The following RHOD variants were observed in gnomAD, a reference collection of about 807,000 sequenced individuals.
RHOD encodes rho-related GTP-binding protein RhoD.
In RHOD, 11 loss-of-function variants were observed where a neutral mutation model predicts 16.7. The observed-to-expected ratio is 0.66, with a 90% CI of 0.41 to 1.09. RHOD has a LOEUF of 1.09. Ranked by LOEUF, RHOD falls within the 50% of genes least tolerant of loss-of-function variation. RHOD has a pLI of 0.00. For synonymous variants in RHOD, 124 were observed against 126.3 expected (o/e 0.98, Z 0.12); for missense variants, 271 against 291.7 (o/e 0.93, Z 0.52).
intron 1 of RHOD, among the ~76,000 whole-genome samples, chr11:67,058,539 G>A (rs1854846532): frequency 6.6e-6 from 1 of 152,056 alleles, no homozygotes; most frequent in African/African-American, 2.4e-5. Context: ...TCGAACTCCT[G>A]GCCTCAAGCG....
intron 2 of RHOD, among the ~76,000 whole-genome samples, chr11:67,066,488 G>A (rs112584297): frequency 6.6e-6 from 1 of 152,224 alleles, no homozygotes; most frequent in African/African-American, 2.4e-5. Context: ...TCCTCCAGGC[G>A]GTGCCAGGCC....
intron 4 of RHOD, 152 bp downstream of exon 4, chr11:67,070,711 CT>C (rs1488248166): frequency 4.6e-6 from 4 of 863,278 alleles, no homozygotes; most frequent in Admixed American, 2.7e-5. Flanking sequence ...ACTTCCAGCA[CT>C]TAGAAATGGT....
At chr11:67,062,583 C>T (rs1854906033) in intron 1 of RHOD, among the ~76,000 whole-genome samples, 1 of 152,254 alleles carries the variant, frequency 6.6e-6, no homozygotes, top group Non-Finnish European at 1.5e-5. Context: ...TCTTCCTCAG[C>T]TGCCCACTCT....
chr11:67,059,634 T>G (rs959725693), intron 1 of RHOD, among the ~76,000 whole-genome samples: 2 of 152,094 alleles, frequency 1.3e-5, no homozygotes, highest in African/African-American at 4.8e-5. Flanking sequence ...GGCTTCATTT[T>G]GCAGATGGGA....
At chr11:67,057,126 C>G (rs1854822901) in intron 1 of RHOD, 92 bp downstream of exon 1, 2 of 1,313,218 alleles carry the variant, frequency 1.5e-6, no homozygotes, top group Non-Finnish European at 1.9e-6. Context: ...TGCGCCTAAC[C>G]CGGCCTCCGA....
chr11:67,070,395 C>A, intron 3 of RHOD, 30 bp from the exon 4 acceptor site: 2 of 1,607,596 alleles, frequency 1.2e-6, no homozygotes, highest in Non-Finnish European at 1.7e-6. Flanking sequence ...CTCACACATG[C>A]CCCCCACATG....
At chr11:67,060,753 A>G (rs889043296) in intron 1 of RHOD, among the ~76,000 whole-genome samples, 4 of 152,376 alleles carry the variant, frequency 2.6e-5, no homozygotes, top group Admixed American at 2.6e-4. Context: ...ACAGCCACAC[A>G]CAGAAGATCC....
In RHOD at chr11:67,071,556, G is replaced by T. The variant is rs868433101; in HGVS notation, c.587G>T (p.Arg196Leu). 2 of 1,610,970 alleles carry T rather than the reference G, an allele frequency of 1.2e-6. No individual in the cohort carries two copies. Among genetic ancestry groups the T allele is most frequent in the Middle Eastern group, 3.3e-4 (2 of 6,052 alleles). ...GAGGTGGCCCTCAGCAGCCGCGGTC[G>T]CAACTTCTGGCGGCGGATTACCCAG... Reference protein sequence around the residue: ...AAEVALSSRGRNFWRRITQGF... With the variant: ...AAEVALSSRGLNFWRRITQGF... Residue 196 changes from arginine to leucine, a missense_variant, in exon 5 of 5, where the codon CGC (arginine) becomes CTC (leucine). Coordinates refer to ENST00000308831, the MANE Select transcript of RHOD (RefSeq NM_014578.4).
rs1040943688 is a variant in RHOD at position 67,070,673 on chromosome 11, T to C, written c.465+114T>C. The C allele has an allele frequency of 3.4e-5, 44 of 1,303,288 alleles. 1 individual carries two copies. The highest frequency in any genetic ancestry group is 4.3e-5 in the Non-Finnish European group (40 of 929,670). The allele number at this position is 1,303,288 out of a possible 1,614,324, so 80.7% of individuals were successfully genotyped here. ...CTCAGGGTGTAGGTCAGAGCTGCGG[T>C]CGTCTTAGAGGCTGTCAGAGGTCAG... is the stretch of plus-strand genomic sequence containing the variant. On this transcript the variant is annotated intron_variant, in intron 4 of 4. Coordinates refer to ENST00000308831, the MANE Select transcript of RHOD (RefSeq NM_014578.4).
intron 1 of RHOD, among the ~76,000 whole-genome samples, chr11:67,061,315 T>C (rs1854884058): frequency 6.6e-6 from 1 of 151,964 alleles, no homozygotes; most frequent in Admixed American, 6.6e-5. Context: ...TGGCCAACAC[T>C]GTAAAACCCC....
intron 2 of RHOD, among the ~76,000 whole-genome samples, chr11:67,066,199 G>C (rs909552048): frequency 6.6e-6 from 1 of 152,208 alleles, no homozygotes; most frequent in Non-Finnish European, 1.5e-5. Flanking sequence ...CTACGTCCTG[G>C]AGGCAAGCGG....
chr11:67,056,907 C>T lies in RHOD; in HGVS notation c.5C>T (p.Thr2Met). ...CGCTCAGCGCCCGGCCCCGGGATGA[C>T]GGCGGCCCAGGCCGCGGGTGAGGAG... MTAAQAAGEEAP... is the reference protein window; with the variant it reads MMAAQAAGEEAP... The change falls in exon 1 of 5, where the codon ACG (threonine) becomes ATG (methionine). Residue 2 changes from threonine (T) to methionine (M), a missense_variant. Physicochemically the swap from Thr to Met is moderately conservative, Grantham distance 81. Coordinates refer to ENST00000308831, the MANE Select transcript of RHOD (RefSeq NM_014578.4). The T allele has an allele frequency of 6.9e-7, 1 of 1,454,306 alleles. No individual in the cohort carries two copies. The allele number at this position is 1,454,306 out of a possible 1,614,324, so 90.1% of individuals were successfully genotyped here.
chr11:67,059,608 G>T (rs1403671284), intron 1 of RHOD, among the ~76,000 whole-genome samples: 1 of 151,686 alleles, frequency 6.6e-6, no homozygotes, highest in African/African-American at 2.4e-5. Context: ...AACCCACAAC[G>T]TGTAAGAGTT....
rs748723325 is a variant in RHOD at position 67,065,968 on chromosome 11, A to T, written c.205A>T (p.Ile69Phe). The T allele has an allele frequency of 1.2e-5, 17 of 1,456,078 alleles. No individual in the cohort carries two copies. The highest frequency in any genetic ancestry group is 1.6e-5 in the Non-Finnish European group (17 of 1,070,260). The allele number at this position is 1,456,078 out of a possible 1,614,324, so 90.2% of individuals were successfully genotyped here. A position where few individuals can be genotyped will look rare whatever the true frequency, so the allele number is the denominator to read the frequency against. ...QVKGKPVHLH[I>F]WDTAGQDDYD... ...GAAAGGCAAACCTGTGCACCTCCAC[A>T]TCTGGGACACAGCAGGTGGGTGTGC... is the stretch of plus-strand genomic sequence containing the variant. The change falls in exon 2 of 5, where the codon ATC (isoleucine) becomes TTC (phenylalanine). Residue 69 changes from isoleucine to phenylalanine, a missense_variant. Physicochemically the swap from Ile to Phe is conservative, Grantham distance 21 (BLOSUM62 0). Coordinates refer to ENST00000308831, the MANE Select transcript of RHOD (RefSeq NM_014578.4).
chr11:67,067,134 G>A (rs911093691), intron 3 of RHOD, among the ~76,000 whole-genome samples: 7 of 152,258 alleles, frequency 4.6e-5, no homozygotes, highest in African/African-American at 9.6e-5. Context: ...TTCCCACGGC[G>A]GCTCTGCCTG....
chr11:67,057,085 G>A (rs1434185668), intron 1 of RHOD, 51 bp downstream of exon 1: 2 of 1,381,830 alleles, frequency 1.4e-6, no homozygotes, highest in Non-Finnish European at 1.9e-6. Flanking sequence ...GCGCCCGGGT[G>A]TACAGGTCCG....
intron 3 of RHOD, among the ~76,000 whole-genome samples, chr11:67,070,110 G>A (rs1298075075): frequency 1.3e-5 from 2 of 152,156 alleles, no homozygotes; most frequent in Non-Finnish European, 2.9e-5. Flanking sequence ...GCAGGGTTCT[G>A]AGCCCCACCC....
At position 67,070,547 on chromosome 11, in the gene RHOD, G is replaced by C. The variant is rs780092139; in HGVS notation, c.453G>C (p.Val151=). The C allele has an allele frequency of 5.0e-5, 81 of 1,613,960 alleles. No homozygotes were observed. The highest frequency in any genetic ancestry group is 6.6e-5 in the Non-Finnish European group (78 of 1,180,024). Residue 151 remains valine, a synonymous_variant, in exon 4 of 5, where the codon GTG becomes GTC. Coordinates refer to ENST00000308831, the MANE Select transcript of RHOD (RefSeq NM_014578.4). ...NKLRRNGLEP[V]TYHRGQEMAR... The stretch of plus-strand genomic sequence containing the variant: ...TCCGAAGAAACGGATTGGAGCCTGT[G>C]ACCTACCACAGGGTAGGAAACCCAG...
chr11:67,062,976 C>A (rs1487503910), intron 1 of RHOD, among the ~76,000 whole-genome samples: 1 of 152,198 alleles, frequency 6.6e-6, no homozygotes, highest in African/African-American at 2.4e-5. Context: ...GCCTGCTGCC[C>A]GTTCATCTCA....
Sources: allele counts gnomAD v4.1 joint callset (sites outside exome capture counted in the v4.1 genomes callset), GRCh38; gene constraint gnomAD v4.1.1; transcripts MANE v1.5; gene names NCBI Gene and HGNC (gene_info 2026-07-23, HGNC 2026-07-21).